Variants in PRKCZ observed in about 807,000 individuals in gnomAD.
PRKCZ encodes the protein protein kinase C zeta type.
Under a neutral mutation model 79.5 loss-of-function variants are expected in PRKCZ, and 33 were observed. The ratio of observed to expected loss-of-function variants is 0.41; its 90% CI spans 0.31 to 0.55. The LOEUF (loss-of-function observed/expected upper bound fraction) is 0.55. Among genes scored for constraint, PRKCZ ranks in the 20% least tolerant of loss-of-function variants. The probability of loss-of-function intolerance (pLI) is 0.19; values close to 1 mark genes in which losing one functional copy is unlikely to be tolerated. For missense variants in PRKCZ, 578 were observed against 813.5 expected (o/e 0.71, Z 3.52); for synonymous variants, 342 against 320.9 (o/e 1.07, Z -0.70).
chr1:2,133,269 C>T (rs907553854), intron 4 of PRKCZ, among the ~76,000 whole-genome samples: 2 of 149,508 alleles, frequency 1.3e-5, no homozygotes, highest in Non-Finnish European at 3.0e-5. Flanking sequence ...CCCTCGGCTC[C>T]GCCCCACAGC....
At chr1:2,100,602 C>T (rs1259641322) in intron 4 of PRKCZ, among the ~76,000 whole-genome samples, 1 of 152,204 alleles carries the variant, frequency 6.6e-6, no homozygotes, top group Non-Finnish European at 1.5e-5. Flanking sequence ...CCGTCTGTTC[C>T]TTCTGGGGTG....
chr1:2,092,904 C>T (rs1355998897), intron 4 of PRKCZ, among the ~76,000 whole-genome samples: 1 of 152,160 alleles, frequency 6.6e-6, no homozygotes, highest in Non-Finnish European at 1.5e-5. Context: ...GAATTCCAGT[C>T]CCAGCGGACA....
At chr1:2,122,273 G>A (rs372192065) in intron 4 of PRKCZ, among the ~76,000 whole-genome samples, 3 of 1,642 alleles carry the variant, frequency 1.8e-3, no homozygotes. Flanking sequence ...TCACGGTGGT[G>A]GTTAGGGTCA....
intron 4 of PRKCZ, among the ~76,000 whole-genome samples, chr1:2,130,417 C>T (rs993901233): frequency 2.6e-5 from 4 of 152,120 alleles, no homozygotes; most frequent in Non-Finnish European, 4.4e-5. Flanking sequence ...CGTGGGACTC[C>T]GCATGGGGGG....
At position 2,181,743 on chromosome 1, in the gene PRKCZ, T is replaced by C. The variant is rs111490439; in HGVS notation, c.1576-2840T>C. Reference sequence around the variant, plus strand: ...CTGGGTCCTGCTCTGTTCCCACCCCTGCTGCTTATTAAACCCTTGTAAAGC... The same window carrying C: ...CTGGGTCCTGCTCTGTTCCCACCCCCGCTGCTTATTAAACCCTTGTAAAGC... On this transcript the variant is annotated intron_variant, in intron 16 of 17. Coordinates refer to ENST00000378567, the MANE Select transcript of PRKCZ (RefSeq NM_002744.6). The C allele has an allele frequency of 1.9e-3, 839 of 451,148 alleles. 10 individuals are homozygous for C. The highest frequency in any genetic ancestry group is 0.016 in the African/African-American group (799 of 50,116). The allele number at this position is 451,148 out of a possible 1,614,324, so 27.9% of individuals were successfully genotyped here.
At chr1:2,059,012 C>G (rs1219759282) in intron 3 of PRKCZ, among the ~76,000 whole-genome samples, 1 of 152,166 alleles carries the variant, frequency 6.6e-6, no homozygotes, top group Non-Finnish European at 1.5e-5. Context: ...CCAGGCTGGT[C>G]TTGAACTCCT....
intron 5 of PRKCZ, among the ~76,000 whole-genome samples, chr1:2,139,100 C>G (rs2103063236): frequency 6.6e-6 from 1 of 152,212 alleles, no homozygotes; most frequent in South Asian, 2.1e-4. Context: ...CAGAAGAGAT[C>G]CAGACATCTC....
intron 17 of PRKCZ, 105 bp from the exon 18 acceptor site, chr1:2,184,817 C>T: frequency 7.3e-7 from 1 of 1,377,176 alleles, no homozygotes; most frequent in South Asian, 1.2e-5. Flanking sequence ...GGTGTCATCT[C>T]TCCAGTGGGC....
chr1:2,124,960 G>T (rs1004315506), intron 4 of PRKCZ, among the ~76,000 whole-genome samples: 3 of 152,158 alleles, frequency 2.0e-5, no homozygotes, highest in Admixed American at 6.5e-5. Flanking sequence ...CATCCTCAGC[G>T]CTGTGTCCCC....
chr1:2,069,756 C>T (rs1475357733), intron 4 of PRKCZ, among the ~76,000 whole-genome samples: 3 of 152,154 alleles, frequency 2.0e-5, no homozygotes, highest in Admixed American at 6.5e-5. Flanking sequence ...CCGGGCCCAT[C>T]ATGTGGAGGG....
At chr1:2,169,474 G>A (rs368127161) in intron 10 of PRKCZ, 44 bp from the exon 11 acceptor site, 117 of 1,522,682 alleles carry the variant, frequency 7.7e-5, no homozygotes, top group South Asian at 1.8e-4. Context: ...GGAGGCCGCC[G>A]TCTGCCGAGG....
chr1:2,071,297 A>G, intron 4 of PRKCZ: 3 of 448,096 alleles, frequency 6.7e-6, no homozygotes, highest in Non-Finnish European at 1.3e-5. Context: ...TCTCCCACCC[A>G]GGGAGGGTCA....
intron 4 of PRKCZ, among the ~76,000 whole-genome samples, chr1:2,100,593 C>T (rs1026790751): frequency 5.9e-5 from 9 of 152,218 alleles, no homozygotes; most frequent in Non-Finnish European, 8.8e-5. Context: ...AAGTGGAGCC[C>T]GTCTGTTCCT....
intron 4 of PRKCZ, among the ~76,000 whole-genome samples, chr1:2,130,236 C>G (rs905886552): frequency 6.6e-6 from 1 of 152,234 alleles, no homozygotes; most frequent in Non-Finnish European, 1.5e-5. Context: ...ACAGGCTGCC[C>G]TGCTGTCCGT....
At chr1:2,116,597 C>T (rs910244114) in intron 4 of PRKCZ, among the ~76,000 whole-genome samples, 61 of 152,122 alleles carry the variant, frequency 4.0e-4, no homozygotes. Context: ...GCTTTTGCGT[C>T]CTGGCTGTGT....
rs745895619 is a variant in PRKCZ, at chr1:2,174,875, CGGTGTT to C, written c.1485+47_1485+52del. 48 of 1,593,788 alleles carry C rather than the reference CGGTGTT, an allele frequency of 3.0e-5. No homozygotes were observed. Among genetic ancestry groups the C allele is most frequent in the Non-Finnish European group, 4.0e-5 (47 of 1,161,962 alleles). On this transcript the variant is annotated intron_variant, in intron 15 of 17. Coordinates refer to ENST00000378567, the MANE Select transcript of PRKCZ (RefSeq NM_002744.6). This position sits in a 1 kb window ranked among gnomAD's most constrained non-coding sequence, Gnocchi z 6.2. The stretch of plus-strand genomic sequence containing the variant: ...GCTGACAAAATCTCGTTTGTGGCCT[CGGTGTT>C]GGTGGGCAGAGGGCCAGGCACGGCT...
chr1:2,110,802 C>A (rs575411816), intron 4 of PRKCZ, among the ~76,000 whole-genome samples: 31 of 151,616 alleles, frequency 2.0e-4, no homozygotes, highest in African/African-American at 7.0e-4. Context: ...ACAGTGGAGT[C>A]CCTGTGGGGG....
At chr1:2,060,075 T>C (rs1038780807) in intron 4 of PRKCZ, among the ~76,000 whole-genome samples, 1 of 152,198 alleles carries the variant, frequency 6.6e-6, no homozygotes, top group Non-Finnish European at 1.5e-5. Context: ...CACTTCCTAC[T>C]GCATCCCGGA....
intron 10 of PRKCZ, among the ~76,000 whole-genome samples, chr1:2,163,714 C>G (rs1682767203): frequency 6.6e-6 from 1 of 150,826 alleles, no homozygotes; most frequent in Non-Finnish European, 1.5e-5. Context: ...CACAGTGAAG[C>G]CCCGTCTCTA....
Sources: gnomAD v4.1 joint callset for allele counts (sites outside exome capture counted in the v4.1 genomes callset) on GRCh38, gnomAD v4.1.1 for gene constraint, Gnocchi (gnomAD v3.1) non-coding constraint, MANE v1.5 for transcripts, NCBI Gene and HGNC (gene_info 2026-07-23, HGNC 2026-07-21) for gene names.